Variants in LTA4H observed in about 807,000 individuals in gnomAD.
LTA4H encodes leukotriene A4 hydrolase.
In LTA4H, 59 loss-of-function variants were observed where a neutral mutation model predicts 89.8. That is an observed-to-expected ratio of 0.66 (90% confidence interval 0.53 to 0.82). The LOEUF (loss-of-function observed/expected upper bound fraction) is 0.82. LTA4H is among the 40% of genes least tolerant of loss of function. LTA4H has a pLI of 0.00. For synonymous variants in LTA4H, 227 were observed against 253.1 expected (o/e 0.90, Z 0.98); for missense variants, 617 against 727.0 (o/e 0.85, Z 1.74).
chr12:96,034,292 A>G (rs1331732492), intron 1 of LTA4H, among the ~76,000 whole-genome samples: 1 of 152,230 alleles, frequency 6.6e-6, no homozygotes, highest in African/African-American at 2.4e-5. Flanking sequence ...TATTTTTAAA[A>G]TGATCTTCTA....
rs1950462987 is a variant in LTA4H at position 96,022,338 on chromosome 12, A to T, written c.481-87T>A. 1.2e-6 allele frequency: 1 copy of T among 812,326 alleles called. No individual in the cohort carries two copies. Among genetic ancestry groups the T allele is most frequent in the Non-Finnish European group, 2.0e-6 (1 of 500,648 alleles). The allele number at this position is 812,326 out of a possible 1,614,324, so 50.3% of individuals were successfully genotyped here. ...ATATGTAAAATAACCTTTTCTTCCC[A>T]TTCTTGACTATCTAATAAACAGACT... is the stretch of plus-strand genomic sequence containing the variant. On this transcript the variant is annotated intron_variant, in intron 4 of 18. Transcript: ENST00000228740. The surrounding 1 kb of genome is among the most constrained non-coding windows in gnomAD (Gnocchi z 4.0).
In LTA4H at chr12:96,000,941, A is replaced by G; in HGVS notation, c.*48T>C. 1 of 1,266,880 alleles carries G rather than the reference A, an allele frequency of 7.9e-7. No individual in the cohort carries two copies. Among genetic ancestry groups the G allele is most frequent in the Non-Finnish European group, 1.2e-6 (1 of 868,978 alleles). The allele number at this position is 1,266,880 out of a possible 1,614,324, so 78.5% of individuals were successfully genotyped here. A position where few individuals can be genotyped will look rare whatever the true frequency, so the allele number is the denominator to read the frequency against. ...GCTGAAGTTTTATATTTCTTTACGA[A>G]TTCCATTTAAAAAAGAGAAATCTCT... On this transcript the variant is annotated 3_prime_UTR_variant, in exon 19 of 19. Coordinates refer to ENST00000228740, the MANE Select transcript of LTA4H (RefSeq NM_000895.3).
chr12:96,029,024 C>A, intron 2 of LTA4H, 31 bp downstream of exon 2: 1 of 1,507,298 alleles, frequency 6.6e-7, no homozygotes, highest in South Asian at 1.4e-5. Flanking sequence ...CATTATTTAG[C>A]TGTAAAAGAG....
In LTA4H at chr12:96,022,287, A is replaced by G. The variant is rs1404441367; in HGVS notation, c.481-36T>C. The G allele has an allele frequency of 1.3e-5, 18 of 1,358,842 alleles. No individual in the cohort carries two copies. Among genetic ancestry groups the G allele is most frequent in the Admixed American group, 7.0e-5 (4 of 57,474 alleles). 84.2% of individuals were successfully genotyped at this position (1,358,842 alleles called of 1,614,324 possible). A position where few individuals can be genotyped will look rare whatever the true frequency, so the allele number is the denominator to read the frequency against. On this transcript the variant is annotated intron_variant, in intron 4 of 18. Coordinates refer to ENST00000228740, the MANE Select transcript of LTA4H (RefSeq NM_000895.3). The surrounding 1 kb of genome is among the most constrained non-coding windows in gnomAD (Gnocchi z 4.0). ...AGAAAAATCATTTCTAGTCATAAATAAAAGCTTCTATGTGTCTTAAACCAT... is the reference window on the plus strand; with the variant it reads ...AGAAAAATCATTTCTAGTCATAAATGAAAGCTTCTATGTGTCTTAAACCAT...
intron 16 of LTA4H, among the ~76,000 whole-genome samples, chr12:96,005,040 A>T (rs2136857471): frequency 6.6e-6 from 1 of 152,260 alleles, no homozygotes; most frequent in East Asian, 1.9e-4. Flanking sequence ...ATTCCGCTCC[A>T]AATCTTCTTT....
intron 12 of LTA4H, chr12:96,014,060 A>G (rs1466971397): frequency 2.4e-6 from 1 of 418,872 alleles, no homozygotes; most frequent in Non-Finnish European, 4.2e-6. Flanking sequence ...AATTCAGTGG[A>G]AGGGAGAAGA....
intron 15 of LTA4H, among the ~76,000 whole-genome samples, chr12:96,008,400 G>A (rs1047372659): frequency 2.6e-5 from 4 of 152,044 alleles, no homozygotes; most frequent in Non-Finnish European, 5.9e-5. Context: ...AAAGTGCTTC[G>A]ATTCTTTGCA....
intron 17 of LTA4H, chr12:96,003,482 A>T (rs1950142850): frequency 5.2e-6 from 1 of 192,594 alleles, no homozygotes; most frequent in South Asian, 1.6e-4. Context: ...ACAAATTTGA[A>T]TTAAGAAAGA....
Position 96,013,810 on chromosome 12 carries a change from G to A in LTA4H, c.1248C>T (p.Ser416=). ...AGTCATCAGTAGTTATGCTCTTATA[G>A]GAAAACTTCTCAACATAAGCTTTTA... The part of the protein sequence containing the change: ...GFLKAYVEKF[S]YKSITTDDWK... The change falls in exon 13 of 19, where the codon TCC becomes TCT. Residue 416 remains serine, a synonymous_variant. Coordinates refer to ENST00000228740, the MANE Select transcript of LTA4H (RefSeq NM_000895.3). 6.3e-7 allele frequency: 1 copy of A among 1,583,170 alleles called. No homozygotes were observed. Among genetic ancestry groups the A allele is most frequent in the Non-Finnish European group, 8.6e-7 (1 of 1,159,056 alleles).
chr12:96,040,678 A>G (rs1950680869), intron 1 of LTA4H, among the ~76,000 whole-genome samples: 1 of 152,240 alleles, frequency 6.6e-6, no homozygotes, highest in African/African-American at 2.4e-5. Flanking sequence ...AGAAGGAGCC[A>G]TGAGCTGGAA....
At chr12:96,035,596 G>T, upstream of LTA4H, 1 of 1,491,592 alleles carries the variant, frequency 6.7e-7, no homozygotes, top group Non-Finnish European at 9.0e-7. Context: ...AGAACCTGAG[G>T]AGGAGGGAGA....
chr12:96,015,631 C>A lies in LTA4H; in HGVS notation c.1011G>T (p.Lys337Asn). The A allele has an allele frequency of 6.2e-7, 1 of 1,614,092 alleles. No individual in the cohort carries two copies. The highest frequency in any genetic ancestry group is 8.5e-7 in the Non-Finnish European group (1 of 1,179,990). ...RHICGRLFGE[K>N]FRHFNALGGW... ...CTCCCAGAGCATTAAAATGTCTGAA[C>A]TTTTCACCAAACAATCGTCCGCAAA... The change falls in exon 11 of 19, where the codon AAG (lysine) becomes AAT (asparagine). Residue 337 changes from lysine (K) to asparagine (N), a missense_variant. Lys to Asn is a moderately conservative substitution (Grantham distance 94). Transcript: ENST00000228740.
At chr12:96,035,718 G>A, upstream of LTA4H, 1 of 1,358,192 alleles carries the variant, frequency 7.4e-7, no homozygotes, top group Non-Finnish European at 9.6e-7. Flanking sequence ...ATGGTGCCGC[G>A]CGGCAAGCGG....
chr12:96,036,004 G>GT (rs1950639207), upstream of LTA4H, among the ~76,000 whole-genome samples: 1 of 152,198 alleles, frequency 6.6e-6, no homozygotes, highest in East Asian at 1.9e-4. Flanking sequence ...CTATCAGAAG[G>GT]CTTTCTTTCG....
chr12:96,035,636 G>C, upstream of LTA4H: 1 of 1,438,090 alleles, frequency 7.0e-7, no homozygotes, highest in Non-Finnish European at 9.2e-7. Context: ...GGGATTCGCG[G>C]TGCACGCCGG....
chr12:96,025,634 C>G (rs1950505175), intron 3 of LTA4H, among the ~76,000 whole-genome samples: 1 of 151,932 alleles, frequency 6.6e-6, no homozygotes, highest in African/African-American at 2.4e-5. Flanking sequence ...AATTTGAGAC[C>G]AGCCTGGGCA....
intron 1 of LTA4H, among the ~76,000 whole-genome samples, chr12:96,029,470 G>T (rs1044583818): frequency 1.3e-5 from 2 of 152,110 alleles, no homozygotes; most frequent in Admixed American, 6.5e-5. Flanking sequence ...AAATATGTTT[G>T]CTTCTGACTC....
rs1211984772 is a variant in LTA4H, at chr12:96,019,202, T to G, written c.677A>C (p.Glu226Ala). The part of the protein sequence containing the change: ...GPRTLVWSEK[E>A]QVEKSAYEFS... ...CTCATAAGCAGACTTTTCCACCTGCTCTTTCTCAGACCACACCAAAGTTCT... is the reference window on the plus strand; with the variant it reads ...CTCATAAGCAGACTTTTCCACCTGCGCTTTCTCAGACCACACCAAAGTTCT... Residue 226 changes from glutamate to alanine, a missense_variant, in exon 7 of 19, where the codon GAG (glutamate) becomes GCG (alanine). Physicochemically the swap from Glu to Ala is moderately radical, Grantham distance 107. This residue lies in a region of LTA4H where 172 missense variants were observed against 244.5 expected (regional missense o/e 0.70). Coordinates refer to ENST00000228740, the MANE Select transcript of LTA4H (RefSeq NM_000895.3). 1 of 1,613,312 alleles carries G rather than the reference T, an allele frequency of 6.2e-7. No individual in the cohort carries two copies. Among genetic ancestry groups the G allele is most frequent in the Non-Finnish European group, 8.5e-7 (1 of 1,179,810 alleles).
rs749055405 is a variant in LTA4H at position 96,027,512 on chromosome 12, CAGA to C, written c.340_342del (p.Ser114del). 7.9e-5 allele frequency: 127 copies of C among 1,610,654 alleles called. No homozygotes were observed. The highest frequency in any genetic ancestry group is 1.0e-4 in the Non-Finnish European group (122 of 1,177,580). On this transcript the variant is annotated inframe_deletion, in exon 3 of 19. Transcript: ENST00000228740. The stretch of plus-strand genomic sequence containing the variant: ...TGTTCAGGAGTGAGCCACTGGAGAG[CAGA>C]AGATTTTGGAGAGGTCTCAAAAGAA...
Sources: gnomAD v4.1 joint callset for allele counts (sites outside exome capture counted in the v4.1 genomes callset) on GRCh38, gnomAD v4.1.1 for gene constraint, gnomAD v4.1.1 regional missense constraint, Gnocchi (gnomAD v3.1) non-coding constraint, MANE v1.5 for transcripts, NCBI Gene and HGNC (gene_info 2026-07-23, HGNC 2026-07-21) for gene names.